NRXN2: variants seen among roughly 807,000 people sequenced by gnomAD.
NRXN2 encodes the protein neurexin 2.
In NRXN2, 29 loss-of-function variants were observed where a neutral mutation model predicts 128.8. The ratio of observed to expected loss-of-function variants is 0.23; its 90% CI spans 0.17 to 0.31. The LOEUF (loss-of-function observed/expected upper bound fraction) is 0.31, where lower values mean the gene tolerates loss of function less well. Among genes scored for constraint, NRXN2 ranks in the 10% least tolerant of loss-of-function variants. The pLI is 1.00. For synonymous variants in NRXN2, 1,098 were observed against 1,075.2 expected (o/e 1.02, Z -0.41); for missense variants, 1,881 against 2,452.6 (o/e 0.77, Z 4.92).
rs2047057627 is a variant in NRXN2, at chr11:64,648,687, T to C, written c.3283+47A>G. 4 of 1,610,114 alleles carry C rather than the reference T, an allele frequency of 2.5e-6. No individual in the cohort carries two copies. The highest frequency in any genetic ancestry group is 2.2e-5 in the South Asian group (2 of 90,942). ...CCCGGTCTGCCTCTGCAGCTGGCCA[T>C]CCTGTAGCCAGTAGGGCCACACCTC... On this transcript the variant is annotated intron_variant, in intron 16 of 22. Transcript: ENST00000265459. The surrounding 1 kb of genome is among the most constrained non-coding windows in gnomAD (Gnocchi z 4.1).
In NRXN2 at chr11:64,713,639, C is replaced by CCAGCAG. The variant is rs767849559; in HGVS notation, c.55_60dup (p.Leu19_Leu20dup). 6 of 1,245,188 alleles carry CCAGCAG rather than the reference C, an allele frequency of 4.8e-6. No individual in the cohort carries two copies. In the Admixed American group the frequency reaches 1.0e-4, roughly 22 times the overall value. 77.1% of individuals were successfully genotyped at this position (1,245,188 alleles called of 1,614,324 possible). On this transcript the variant is annotated inframe_insertion, in exon 2 of 23. Coordinates refer to ENST00000265459, the MANE Select transcript of NRXN2 (RefSeq NM_015080.4). ...AGGCCGTCCGCGCGCGCCGCCAGCG[C>CCAGCAG]CAGCAGCAGCAGCAACAGCAGCGGC...
intron 11 of NRXN2, among the ~76,000 whole-genome samples, chr11:64,657,737 G>T (rs540311000): frequency 6.6e-6 from 1 of 152,292 alleles, no homozygotes; most frequent in East Asian, 1.9e-4. Context: ...GCTGGGTAGG[G>T]GCCACCTGCG....
chr11:64,653,394 C>A (rs1220346144), intron 12 of NRXN2, among the ~76,000 whole-genome samples: 1 of 152,142 alleles, frequency 6.6e-6, no homozygotes, highest in African/African-American at 2.4e-5. Context: ...TTTCTACCTC[C>A]TCCCCACCCT....
chr11:64,607,549 G>A lies in NRXN2; in HGVS notation c.4786C>T (p.Leu1596=), dbSNP rs1055878970. 7 of 1,551,654 alleles carry A rather than the reference G, an allele frequency of 4.5e-6. No individual in the cohort carries two copies. Among genetic ancestry groups the A allele is most frequent in the East Asian group, 4.7e-5 (2 of 42,620 alleles). The change falls in exon 23 of 23, where the codon CTG becomes TTG. Residue 1596 remains leucine, a synonymous_variant. Transcript: ENST00000265459. ...TSFEPRRPPP[L]RPGVTSAPGF... ...GGGGCTGAGGTCACGCCGGGGCGCA[G>A]GGGAGGGGGCCTCCGCGGCTCAAAG...
chr11:64,617,145 C>A (rs903947979), intron 22 of NRXN2, among the ~76,000 whole-genome samples: 1 of 151,600 alleles, frequency 6.6e-6, no homozygotes, highest in Non-Finnish European at 1.5e-5. Flanking sequence ...ATAGTGTGTG[C>A]TCCTCTAGGT....
At position 64,652,168 on chromosome 11, in the gene NRXN2, G is replaced by T. The variant is rs372643880; in HGVS notation, c.2417-14C>A. On this transcript the variant is annotated splice_polypyrimidine_tract_variant and intron_variant, in intron 12 of 22. Coordinates refer to ENST00000265459, the MANE Select transcript of NRXN2 (RefSeq NM_015080.4). The stretch of plus-strand genomic sequence containing the variant: ...CGGGGCCTTTACCTGCGGCACCAAG[G>T]GGGGAATGAGGAGGGCACCTATACA... 1.0e-4 allele frequency: 163 copies of T among 1,608,650 alleles called. 4 individuals are homozygous for T. The South Asian group carries it at 1.7e-3, about 17-fold the overall frequency.
rs1591788716 is a variant in NRXN2, at chr11:64,648,888, A to C, written c.3129T>G (p.Gly1043=). The C allele has an allele frequency of 6.2e-7, 1 of 1,614,038 alleles. No homozygotes were observed. The highest frequency in any genetic ancestry group is 1.1e-5 in the South Asian group (1 of 91,094). ...GGTTGCTGAACATATTCTTGCTCAG[A>C]CCGCCAATGTACAACTCCCCTGCAA... ...LDLKGELYIG[G]LSKNMFSNLP... The change falls in exon 16 of 23, where the codon GGT becomes GGG. Residue 1043 remains glycine, a synonymous_variant. Transcript: ENST00000265459. The surrounding 1 kb of genome is among the most constrained non-coding windows in gnomAD (Gnocchi z 4.1).
At position 64,667,254 on chromosome 11, in the gene NRXN2, T is replaced by A. The variant is rs761410259; in HGVS notation, c.1794A>T (p.Arg598=). The change falls in exon 9 of 23, where the codon CGA becomes CGT. Residue 598 remains arginine (R), a synonymous_variant. Transcript: ENST00000265459. The surrounding 1 kb of genome is among the most constrained non-coding windows in gnomAD (Gnocchi z 5.6). The part of the protein sequence containing the change: ...WCHVDFQRDG[R]KGSISVNSRS... ...AGGGTCCAGAGGCCTCCTGACCTTT[T>A]CGCCCATCCCTCTGGAAGTCCACGT... 1 of 1,614,154 alleles carries A rather than the reference T, an allele frequency of 6.2e-7. No individual in the cohort carries two copies. Among genetic ancestry groups the A allele is most frequent in the Non-Finnish European group, 8.5e-7 (1 of 1,180,020 alleles).
chr11:64,695,636 G>A (rs1190244034), intron 3 of NRXN2, among the ~76,000 whole-genome samples: 1 of 151,970 alleles, frequency 6.6e-6, no homozygotes, highest in Non-Finnish European at 1.5e-5. Context: ...ATGGTGATAG[G>A]TGACCAAATT....
intron 11 of NRXN2, among the ~76,000 whole-genome samples, chr11:64,656,962 C>G (rs555814555): frequency 6.6e-6 from 1 of 152,294 alleles, no homozygotes; most frequent in Non-Finnish European, 1.5e-5. Context: ...TAGCACTAAG[C>G]GATCCCACCT....
chr11:64,643,895 C>T (rs71579879), intron 17 of NRXN2, among the ~76,000 whole-genome samples: 2,440 of 149,876 alleles, frequency 0.016, 58 homozygotes, highest in African/African-American at 0.056. Flanking sequence ...GGATGAACCC[C>T]AATAATGCTC....
At chr11:64,640,649 G>A (rs529109453) in intron 17 of NRXN2, among the ~76,000 whole-genome samples, 1 of 152,320 alleles carries the variant, frequency 6.6e-6, no homozygotes, top group South Asian at 2.1e-4. Context: ...TGCCTGAGAG[G>A]AGCCAGGTGG....
intron 12 of NRXN2, among the ~76,000 whole-genome samples, chr11:64,652,999 C>G (rs913663912): frequency 3.3e-5 from 5 of 151,768 alleles, no homozygotes; most frequent in Admixed American, 6.6e-5. Context: ...CCAGCACACA[C>G]AGTCTCTCTG....
At chr11:64,697,918 A>G in intron 2 of NRXN2, 126 bp from the exon 3 acceptor site, 1 of 1,082,404 alleles carries the variant, frequency 9.2e-7, no homozygotes. Flanking sequence ...AGGCCCTGAC[A>G]TGAGTCACCC....
chr11:64,679,041 G>A (rs1282932760), intron 6 of NRXN2, among the ~76,000 whole-genome samples: 1 of 152,186 alleles, frequency 6.6e-6, no homozygotes, highest in African/African-American at 2.4e-5. Context: ...GGAGTCAGGG[G>A]ATAGCGTGTG....
At chr11:64,688,222 A>G (rs1290827259) in intron 5 of NRXN2, 5 of 907,910 alleles carry the variant, frequency 5.5e-6, no homozygotes, top group African/African-American at 1.8e-5. Context: ...CCCTGCCTCC[A>G]GTCTCCTGGG....
intron 17 of NRXN2, among the ~76,000 whole-genome samples, chr11:64,641,539 T>G: frequency 6.7e-6 from 1 of 148,540 alleles, no homozygotes; most frequent in Non-Finnish European, 1.5e-5. Flanking sequence ...GGGCACAGAG[T>G]ATGGAGGACA....
rs769021684 is a variant in NRXN2, at chr11:64,635,301, G to A, written c.3555C>T (p.Ser1185=). 17 of 1,613,178 alleles carry A rather than the reference G, an allele frequency of 1.1e-5. No individual in the cohort carries two copies. The highest frequency in any genetic ancestry group is 3.3e-4 in the Middle Eastern group (2 of 6,002). The change falls in exon 18 of 23, where the codon TCC becomes TCT. Residue 1185 remains serine, a synonymous_variant. Coordinates refer to ENST00000265459, the MANE Select transcript of NRXN2 (RefSeq NM_015080.4). The surrounding 1 kb of genome is among the most constrained non-coding windows in gnomAD (Gnocchi z 4.8). ...GCAGCTGCAGGTAGTCTCCAAGGCC[G>A]GAGGCGCTGTCCACCCGCACCAGCA... ...SAVLVRVDSA[S]GLGDYLQLHI...
intron 2 of NRXN2, among the ~76,000 whole-genome samples, chr11:64,703,217 C>G (rs2055754704): frequency 6.6e-6 from 1 of 152,110 alleles, no homozygotes; most frequent in Non-Finnish European, 1.5e-5. Context: ...CTCTCTATAT[C>G]CAGCTGCTTA....
Sources: allele counts gnomAD v4.1 joint callset (sites outside exome capture counted in the v4.1 genomes callset), GRCh38; gene constraint gnomAD v4.1.1; non-coding constraint Gnocchi (gnomAD v3.1); transcripts MANE v1.5; gene names NCBI Gene and HGNC (gene_info 2026-07-23, HGNC 2026-07-21).